Variants in ZNF490 observed in about 807,000 individuals in gnomAD.
ZNF490 encodes zinc finger protein 490.
ZNF490 carries 11 observed loss-of-function variants against 17.7 expected under a neutral mutation model. The ratio of observed to expected loss-of-function variants is 0.62; its 90% CI spans 0.39 to 1.03. The LOEUF is 1.03. Ranked by LOEUF, ZNF490 falls within the 50% of genes least tolerant of loss-of-function variation. ZNF490 has a pLI of 0.00. For synonymous variants in ZNF490, 222 were observed against 216.1 expected, an observed-to-expected ratio of 1.03 and a Z score of -0.24; for missense variants, 542 against 643.4, an observed-to-expected ratio of 0.84 and a Z score of 1.71.
At chr19:12,583,807 ATATATT>A (rs1313688344) in intron 2 of ZNF490, among the ~76,000 whole-genome samples, 506 of 112,366 alleles carry the variant, frequency 4.5e-3, no homozygotes, top group Middle Eastern at 9.2e-3. Context: ...ATATATATAT[ATATATT>A]TTTTTTTTTT....
chr19:12,590,710 G>C (rs1216579104), intron 2 of ZNF490, among the ~76,000 whole-genome samples: 8 of 152,122 alleles, frequency 5.3e-5, no homozygotes, highest in Non-Finnish European at 1.0e-4. Context: ...AAGGTTGAAG[G>C]ACACAAGCTC....
chr19:12,594,973 G>T (rs1187896345), intron 2 of ZNF490, among the ~76,000 whole-genome samples: 3 of 152,170 alleles, frequency 2.0e-5, no homozygotes, highest in African/African-American at 7.2e-5. Context: ...ACTAGGCTGG[G>T]CCTGGTGGCT....
intron 2 of ZNF490, among the ~76,000 whole-genome samples, chr19:12,601,884 C>T (rs1568282454): frequency 6.6e-6 from 1 of 151,514 alleles, no homozygotes; most frequent in Non-Finnish European, 1.5e-5. Context: ...GTCCCAGCTA[C>T]TCAGGAGGCT....
Position 12,580,883 on chromosome 19 carries a change from C to G in ZNF490, c.1192G>C (p.Ala398Pro), listed in dbSNP as rs1418185193. 3 of 1,614,200 alleles carry G rather than the reference C, an allele frequency of 1.9e-6. No individual in the cohort carries two copies. The Admixed American group carries it at 5.0e-5, about 27-fold the overall frequency. The change falls in exon 5 of 5, where the codon GCC (alanine) becomes CCC (proline). Residue 398 changes from alanine to proline, a missense_variant. By Grantham distance (27) the Ala-to-Pro change is conservative. Coordinates refer to ENST00000311437, the MANE Select transcript of ZNF490 (RefSeq NM_020714.3). ...TGAAGGTAACTTGAAGAATTGAAGGCTTTACCACATTGTTTACATTCATAG... is the reference window on the plus strand; with the variant it reads ...TGAAGGTAACTTGAAGAATTGAAGGGTTTACCACATTGTTTACATTCATAG... ...KPYECKQCGK[A>P]FNSSSYLQLH...
At position 12,581,685 on chromosome 19, in the gene ZNF490, A is replaced by G; in HGVS notation, c.390T>C (p.Asp130=). 1 of 1,613,610 alleles carries G rather than the reference A, an allele frequency of 6.2e-7. No individual in the cohort carries two copies. The highest frequency in any genetic ancestry group is 1.7e-4 in the Middle Eastern group (1 of 6,060). Residue 130 remains aspartate (D), a synonymous_variant, in exon 5 of 5, where the codon GAT becomes GAC. Coordinates refer to ENST00000311437, the MANE Select transcript of ZNF490 (RefSeq NM_020714.3). ...GGCTAGTGCTTTTTCCACATGGACA[A>G]TCTTCTTTATTTTCACAGAGTGCTT... ...MVEALCENKE[D]CPCGKSTSQI... is the part of the protein sequence containing the mutation.
In ZNF490 at chr19:12,577,745, A is replaced by G. The variant is rs879434926; in HGVS notation, c.*2740T>C. 6 of 985,416 alleles carry G rather than the reference A, an allele frequency of 6.1e-6. No individual in the cohort carries two copies. Among genetic ancestry groups the G allele is most frequent in the East Asian group, 2.3e-4 (2 of 8,832 alleles). 61.0% of individuals were successfully genotyped at this position (985,416 alleles called of 1,614,324 possible). A position where few individuals can be genotyped will look rare whatever the true frequency, so the allele number is the denominator to read the frequency against. On this transcript the variant is annotated 3_prime_UTR_variant, in exon 5 of 5. Coordinates refer to ENST00000311437, the MANE Select transcript of ZNF490 (RefSeq NM_020714.3). ...GGGGGAGGGTGGAGGCCAGAGGCCT[A>G]AAGAGTTCCGACCCGAGCGACACAA...
chr19:12,597,658 G>T (rs1171550804), intron 2 of ZNF490, among the ~76,000 whole-genome samples: 1 of 152,160 alleles, frequency 6.6e-6, no homozygotes. Flanking sequence ...TTGATTGTGT[G>T]AATTTCACTG....
At chr19:12,593,817 G>A (rs1009801935) in intron 2 of ZNF490, among the ~76,000 whole-genome samples, 2 of 152,120 alleles carry the variant, frequency 1.3e-5, no homozygotes, top group Non-Finnish European at 1.5e-5. Flanking sequence ...TCTAGGAGAA[G>A]GTAGACCTCC....
chr19:12,603,112 G>A (rs2023026452), intron 2 of ZNF490, among the ~76,000 whole-genome samples: 4 of 152,158 alleles, frequency 2.6e-5, no homozygotes, highest in African/African-American at 9.7e-5. Flanking sequence ...GTGATATTGT[G>A]AAATATATAA....
intron 2 of ZNF490, among the ~76,000 whole-genome samples, chr19:12,592,228 C>T (rs888938412): frequency 5.9e-5 from 9 of 152,002 alleles, no homozygotes; most frequent in East Asian, 5.8e-4. Context: ...CTCAGCTACT[C>T]GGGAGGCTGA....
chr19:12,602,934 G>C (rs1237636439), intron 2 of ZNF490, among the ~76,000 whole-genome samples: 1 of 151,920 alleles, frequency 6.6e-6, no homozygotes, highest in East Asian at 1.9e-4. Flanking sequence ...CCCCATCATG[G>C]GTTTTTCTTA....
At position 12,578,729 on chromosome 19, in the gene ZNF490, C is replaced by G; in HGVS notation, c.*1756G>C. The stretch of plus-strand genomic sequence containing the variant: ...AAGGCAGATTCTGGGAGTCTTCTCA[C>G]TTCTCTCCAGTCATGTGTGAGAGCT... On this transcript the variant is annotated 3_prime_UTR_variant, in exon 5 of 5. Coordinates refer to ENST00000311437, the MANE Select transcript of ZNF490 (RefSeq NM_020714.3). 1 of 985,464 alleles carries G rather than the reference C, an allele frequency of 1.0e-6. No homozygotes were observed. The highest frequency in any genetic ancestry group is 1.2e-6 in the Non-Finnish European group (1 of 829,960). 61.0% of individuals were successfully genotyped at this position (985,464 alleles called of 1,614,324 possible). A position where few individuals can be genotyped will look rare whatever the true frequency, so the allele number is the denominator to read the frequency against.
At position 12,581,175 on chromosome 19, in the gene ZNF490, G is replaced by T. The variant is rs1353249633; in HGVS notation, c.900C>A (p.His300Gln). Residue 300 changes from histidine (H) to glutamine (Q), a missense_variant, in exon 5 of 5, where the codon CAC becomes CAA. Transcript: ENST00000311437. Reference protein sequence around the residue: ...YQPFLTHERTHTGEKPYECKQ... With the variant: ...YQPFLTHERTQTGEKPYECKQ... ...TACATTCATAAGGTTTCTCTCCAGT[G>T]TGAGTCCTTTCGTGGGTTAGAAAAG... is the stretch of plus-strand genomic sequence containing the variant. 1 of 1,610,460 alleles carries T rather than the reference G, an allele frequency of 6.2e-7. No individual in the cohort carries two copies. The highest frequency in any genetic ancestry group is 8.5e-7 in the Non-Finnish European group (1 of 1,176,986).
At chr19:12,604,240 G>T (rs927462853) in intron 2 of ZNF490, among the ~76,000 whole-genome samples, 2 of 152,222 alleles carry the variant, frequency 1.3e-5, no homozygotes, top group Non-Finnish European at 2.9e-5. Context: ...GTAGGGCCAG[G>T]TGTGGTGGCT....
Position 12,578,279 on chromosome 19 carries a change from T to C in ZNF490, c.*2206A>G, listed in dbSNP as rs2022672655. The C allele has an allele frequency of 1.0e-6, 1 of 985,390 alleles. No individual in the cohort carries two copies. Among genetic ancestry groups the C allele is most frequent in the African/African-American group, 1.7e-5 (1 of 57,188 alleles). The allele number at this position is 985,390 out of a possible 1,614,324, so 61.0% of individuals were successfully genotyped here. On this transcript the variant is annotated 3_prime_UTR_variant, in exon 5 of 5. Coordinates refer to ENST00000311437, the MANE Select transcript of ZNF490 (RefSeq NM_020714.3). ...AGTTAGGGGAGGTAAGAATTCTGAG[T>C]GTCCTACAGCTAAGACATGGCAGAG...
chr19:12,580,670 T>C lies in ZNF490; in HGVS notation c.1405A>G (p.Thr469Ala), dbSNP rs144688605. 41 of 1,614,106 alleles carry C rather than the reference T, an allele frequency of 2.5e-5. No homozygotes were observed. The African/African-American group carries it at 4.9e-4, about 19-fold the overall frequency. ...SHLRRHERSHTGVKPCECKQC... is the reference protein window; with the variant it reads ...SHLRRHERSHAGVKPCECKQC... ...TTACACTCACATGGTTTCACTCCAG[T>C]GTGACTTCTTTCGTGCCTTCGAAGG... Residue 469 changes from threonine (T) to alanine (A), a missense_variant, in exon 5 of 5, where the codon ACT becomes GCT. Coordinates refer to ENST00000311437, the MANE Select transcript of ZNF490 (RefSeq NM_020714.3).
chr19:12,589,121 A>G (rs1294749520), intron 2 of ZNF490, among the ~76,000 whole-genome samples: 1 of 152,204 alleles, frequency 6.6e-6, no homozygotes, highest in Non-Finnish European at 1.5e-5. Context: ...CAGGACTTCG[A>G]GACCAGCCTG....
At position 12,580,895 on chromosome 19, in the gene ZNF490, G is replaced by A. The variant is rs780584425; in HGVS notation, c.1180C>T (p.Gln394Ter). The A allele has an allele frequency of 6.2e-7, 1 of 1,614,180 alleles. No homozygotes were observed. Among genetic ancestry groups the A allele is most frequent in the Non-Finnish European group, 8.5e-7 (1 of 1,180,044 alleles). The change falls in exon 5 of 5, where the codon CAA (glutamine) becomes TAA (stop). Residue 394 changes from glutamine (Q) to a stop codon, truncating the protein, a stop_gained. Transcript: ENST00000311437. LOFTEE classifies it low-confidence loss of function (END_TRUNC). ...HFGEKPYECK[Q>*]CGKAFNSSSY... ...GAAGAATTGAAGGCTTTACCACATTGTTTACATTCATAGGGTTTTTCTCCA... is the reference window on the plus strand; with the variant it reads ...GAAGAATTGAAGGCTTTACCACATTATTTACATTCATAGGGTTTTTCTCCA...
intron 2 of ZNF490, chr19:12,597,082 T>C (rs907071664): frequency 4.4e-6 from 2 of 457,466 alleles, no homozygotes; most frequent in Non-Finnish European, 8.8e-6. Context: ...GGGACTCGGG[T>C]CTTCCCATAG....
Sources: gnomAD v4.1 joint callset for allele counts (sites outside exome capture counted in the v4.1 genomes callset) on GRCh38, gnomAD v4.1.1 for gene constraint, MANE v1.5 for transcripts, NCBI Gene and HGNC (gene_info 2026-07-23, HGNC 2026-07-21) for gene names.